TMEM108: variants seen among roughly 807,000 people sequenced by gnomAD.
The protein encoded by TMEM108 is cancer/testis antigen 124.
TMEM108 carries 12 observed loss-of-function variants against 35.1 expected under a neutral mutation model. The ratio of observed to expected loss-of-function variants is 0.34; its 90% CI spans 0.22 to 0.55. The LOEUF is 0.55. Ranked by LOEUF, TMEM108 falls within the 20% of genes least tolerant of loss-of-function variation. The pLI is 0.89. For missense variants in TMEM108, 680 were observed against 753.3 expected (o/e 0.90, Z 1.14); for synonymous variants, 287 against 308.6 (o/e 0.93, Z 0.73).
intron 2 of TMEM108, among the ~76,000 whole-genome samples, chr3:133,098,489 G>T (rs562296782): frequency 6.6e-6 from 1 of 152,000 alleles, no homozygotes; most frequent in Non-Finnish European, 1.5e-5. Flanking sequence ...TATGCCTTCC[G>T]AACAGTCCCC....
At chr3:133,043,499 C>T (rs974718428) in intron 1 of TMEM108, among the ~76,000 whole-genome samples, 6 of 152,090 alleles carry the variant, frequency 3.9e-5, no homozygotes, top group East Asian at 3.8e-4. Flanking sequence ...AATGTATATG[C>T]GAGTATTGAT....
chr3:133,149,366 A>G (rs914826602), intron 2 of TMEM108, among the ~76,000 whole-genome samples: 1 of 152,250 alleles, frequency 6.6e-6, no homozygotes, highest in Non-Finnish European at 1.5e-5. Context: ...TCTTTGATGT[A>G]TGGTGAGAAC....
intron 3 of TMEM108, among the ~76,000 whole-genome samples, chr3:133,364,588 A>C (rs1576505122): frequency 6.6e-6 from 1 of 152,240 alleles, no homozygotes; most frequent in African/African-American, 2.4e-5. Context: ...TTAGAGTGGC[A>C]GTCATGATTA....
intron 2 of TMEM108, among the ~76,000 whole-genome samples, chr3:133,117,995 G>T (rs1944308222): frequency 1.3e-5 from 2 of 152,112 alleles, no homozygotes; most frequent in African/African-American, 4.8e-5. Context: ...GGCCTTTTTG[G>T]GGGAGGAATA....
intron 3 of TMEM108, among the ~76,000 whole-genome samples, chr3:133,261,923 C>T (rs1946630888): frequency 6.6e-6 from 1 of 152,216 alleles, no homozygotes; most frequent in Non-Finnish European, 1.5e-5. Flanking sequence ...TCAGCTACTT[C>T]ATGTCCTTTC....
At chr3:133,101,276 T>G (rs1354821811) in intron 2 of TMEM108, among the ~76,000 whole-genome samples, 1 of 152,244 alleles carries the variant, frequency 6.6e-6, no homozygotes, top group Non-Finnish European at 1.5e-5. Context: ...GTGCTGTGTG[T>G]ATCAGGCGTT....
intron 3 of TMEM108, among the ~76,000 whole-genome samples, chr3:133,302,566 C>T (rs1430793850): frequency 1.3e-5 from 2 of 151,636 alleles, no homozygotes; most frequent in African/African-American, 4.9e-5. Context: ...GGACTACAGG[C>T]ACCCGCCACC....
chr3:133,343,372 C>G (rs2071720794), intron 3 of TMEM108, among the ~76,000 whole-genome samples: 1 of 151,790 alleles, frequency 6.6e-6, no homozygotes, highest in Non-Finnish European at 1.5e-5. Flanking sequence ...TGGTGTTTAT[C>G]CAAGTAAATT....
chr3:133,270,573 A>C (rs1256313764), intron 3 of TMEM108, among the ~76,000 whole-genome samples: 1 of 152,008 alleles, frequency 6.6e-6, no homozygotes, highest in African/African-American at 2.4e-5. Flanking sequence ...TGCTGGATGG[A>C]GCTGGGAAGA....
intron 3 of TMEM108, among the ~76,000 whole-genome samples, chr3:133,264,607 C>A (rs114411198): frequency 2.8e-4 from 42 of 152,282 alleles, no homozygotes; most frequent in African/African-American, 1.0e-3. Flanking sequence ...GTCACAAATT[C>A]ATCACACACA....
chr3:133,227,863 C>G (rs1189582353), intron 2 of TMEM108, among the ~76,000 whole-genome samples: 1 of 151,958 alleles, frequency 6.6e-6, no homozygotes, highest in Non-Finnish European at 1.5e-5. Flanking sequence ...CCACTGCACT[C>G]CAGCCTGGCG....
intron 3 of TMEM108, among the ~76,000 whole-genome samples, chr3:133,370,921 T>TGTGTGTGTGTGTGTGC (rs142623622): frequency 2.9e-5 from 4 of 139,290 alleles, no homozygotes; most frequent in Admixed American, 7.3e-5. Context: ...TGTGTGTGTG[T>TGTGTGTGTGTGTGTGC]GCCAGGAAGC....
intron 2 of TMEM108, among the ~76,000 whole-genome samples, chr3:133,078,378 C>A (rs527442414): frequency 6.6e-6 from 1 of 152,236 alleles, no homozygotes; most frequent in Non-Finnish European, 1.5e-5. Context: ...TCCCAAACAA[C>A]TAGGCGGTGT....
At chr3:133,151,919 C>T (rs757817868) in intron 2 of TMEM108, among the ~76,000 whole-genome samples, 47 of 152,082 alleles carry the variant, frequency 3.1e-4, no homozygotes, top group African/African-American at 8.9e-4. Flanking sequence ...AGAAGAGAGC[C>T]GAGTAAGAGA....
chr3:133,284,024 C>T (rs1188891397), intron 3 of TMEM108, among the ~76,000 whole-genome samples: 2 of 152,188 alleles, frequency 1.3e-5, no homozygotes, highest in Non-Finnish European at 2.9e-5. Context: ...AGTTCTAAAG[C>T]ATTCTGACAG....
rs148517576 is a variant in TMEM108 at position 133,185,052 on chromosome 3, G to C, written c.-46-44214G>C. On this transcript the variant is annotated intron_variant, in intron 2 of 5. Transcript: ENST00000321871. ...TGTTTAGTGGAACACTGATTTTTCTGCTGATCATTTTCCATTATATTCCTG... is the reference window on the plus strand; with the variant it reads ...TGTTTAGTGGAACACTGATTTTTCTCCTGATCATTTTCCATTATATTCCTG... Among the ~76,000 whole-genome samples the C allele has an allele frequency of 4.8e-3, 736 of 152,176 alleles. 8 individuals are homozygous for C. Among genetic ancestry groups the C allele is most frequent in the African/African-American group, 0.017 (717 of 41,518 alleles).
intron 2 of TMEM108, among the ~76,000 whole-genome samples, chr3:133,128,068 G>A (rs1944440255): frequency 6.6e-6 from 1 of 152,296 alleles, no homozygotes; most frequent in African/African-American, 2.4e-5. Flanking sequence ...TCAGGTGGAT[G>A]GATAAAGACT....
At chr3:133,083,479 T>C (rs529111665) in intron 2 of TMEM108, among the ~76,000 whole-genome samples, 13 of 152,296 alleles carry the variant, frequency 8.5e-5, no homozygotes, top group African/African-American at 2.9e-4. Flanking sequence ...TTCAGAAGTT[T>C]ACTTCCTCTC....
chr3:133,387,138 ATC>A (rs1161833405), intron 4 of TMEM108: 35 of 985,300 alleles, frequency 3.6e-5, no homozygotes, highest in Non-Finnish European at 4.1e-5. Flanking sequence ...TTCTTTCTAG[ATC>A]TCTCTTGTAG....
Sources: gnomAD v4.1 joint callset for allele counts (sites outside exome capture counted in the v4.1 genomes callset) on GRCh38, gnomAD v4.1.1 for gene constraint, MANE v1.5 for transcripts, NCBI Gene and HGNC (gene_info 2026-07-23, HGNC 2026-07-21) for gene names.